Variants in PI4K2B observed in about 807,000 individuals in gnomAD.
PI4K2B encodes phosphatidylinositol 4-kinase type 2 beta, also known as phosphatidylinositol 4-kinase type 2-beta.
A neutral mutation model predicts 56.6 loss-of-function variants in PI4K2B; 46 were observed. The observed-to-expected ratio is 0.81, with a 90% CI of 0.64 to 1.04. The LOEUF is 1.04. Ranked by LOEUF, PI4K2B falls within the 50% of genes least tolerant of loss-of-function variation. PI4K2B has a pLI of 0.00. For missense variants in PI4K2B, 556 were observed against 607.7 expected (o/e 0.91, Z 0.89); for synonymous variants, 211 against 223.8 (o/e 0.94, Z 0.51).
intron 9 of PI4K2B, among the ~76,000 whole-genome samples, chr4:25,269,814 T>C (rs1262441916): frequency 6.6e-6 from 1 of 150,938 alleles, no homozygotes; most frequent in Non-Finnish European, 1.5e-5. Context: ...CCCAGGTTCA[T>C]GCCATTCTCC....
intron 8 of PI4K2B, 107 bp downstream of exon 8, chr4:25,268,683 C>A: frequency 1.4e-6 from 1 of 705,032 alleles, no homozygotes. Flanking sequence ...TTGCTGCTTG[C>A]CATAAAACCT....
chr4:25,261,940 A>G (rs987533586), intron 6 of PI4K2B, among the ~76,000 whole-genome samples: 2 of 152,176 alleles, frequency 1.3e-5, no homozygotes, highest in African/African-American at 4.8e-5. Context: ...AATAGTAGAA[A>G]TAATAATAAA....
intron 1 of PI4K2B, among the ~76,000 whole-genome samples, chr4:25,236,560 A>G (rs556956539): frequency 4.6e-5 from 7 of 152,324 alleles, no homozygotes; most frequent in Admixed American, 2.0e-4. Context: ...CTCAAAAAAA[A>G]AATTAATTAT....
At chr4:25,269,114 T>G in intron 8 of PI4K2B, 30 bp from the exon 9 acceptor site, 1 of 1,294,698 alleles carries the variant, frequency 7.7e-7, no homozygotes, top group Non-Finnish European at 1.1e-6. Flanking sequence ...GTCTTTATTT[T>G]GGGAATTGTT....
At chr4:25,248,792 C>A (rs1222843033) in intron 1 of PI4K2B, among the ~76,000 whole-genome samples, 1 of 150,396 alleles carries the variant, frequency 6.6e-6, no homozygotes, top group Non-Finnish European at 1.5e-5. Flanking sequence ...TTAGGAAAAT[C>A]TTTTATTTTT....
At chr4:25,242,082 T>C (rs1382865995) in intron 1 of PI4K2B, among the ~76,000 whole-genome samples, 2 of 152,232 alleles carry the variant, frequency 1.3e-5, no homozygotes, top group Non-Finnish European at 2.9e-5. Context: ...GATAAGCCAG[T>C]ATAGGCTGTA....
intron 1 of PI4K2B, among the ~76,000 whole-genome samples, chr4:25,248,315 T>C (rs1206645204): frequency 1.3e-5 from 2 of 152,182 alleles, no homozygotes; most frequent in African/African-American, 4.8e-5. Flanking sequence ...AGCAAGTGTT[T>C]ATTAAGTGCT....
At position 25,234,179 on chromosome 4, in the gene PI4K2B, G is replaced by C. The variant is rs10021593; in HGVS notation, c.16G>C (p.Glu6Gln). 5.6e-5 allele frequency: 78 copies of C among 1,399,048 alleles called. No individual in the cohort carries two copies. Among genetic ancestry groups the C allele is most frequent in the Non-Finnish European group, 7.2e-5 (77 of 1,075,830 alleles). The allele number at this position is 1,399,048 out of a possible 1,614,324, so 86.7% of individuals were successfully genotyped here. The change falls in exon 1 of 10, where the codon GAG becomes CAG. Residue 6 changes from glutamate (E) to glutamine (Q), a missense_variant. Glu to Gln is a conservative substitution (Grantham distance 29). Coordinates refer to ENST00000264864, the MANE Select transcript of PI4K2B (RefSeq NM_018323.4). Reference sequence around the variant, plus strand: ...GAGGGAGTCCATGGAGGATCCCTCCGAGCCCGACCGGTTGGCGTCCGCGGA... The same window carrying C: ...GAGGGAGTCCATGGAGGATCCCTCCCAGCCCGACCGGTTGGCGTCCGCGGA... MEDPS[E>Q]PDRLASADGG... is the part of the protein sequence containing the mutation.
chr4:25,242,389 G>A lies in PI4K2B; in HGVS notation c.268+7958G>A, dbSNP rs540621183. 7.9e-5 allele frequency among the ~76,000 whole-genome samples: 12 copies of A among 152,374 alleles called. No individual in the cohort carries two copies. The South Asian group carries it at 1.0e-3, about 13-fold the overall frequency. On this transcript the variant is annotated intron_variant, in intron 1 of 9. Transcript: ENST00000264864. ...AAACCCCTGGGGCAAGACCTTCCACGTAAGTTGGGACTTGTGGTCTGTGGG... is the reference window on the plus strand; with the variant it reads ...AAACCCCTGGGGCAAGACCTTCCACATAAGTTGGGACTTGTGGTCTGTGGG...
At chr4:25,259,711 A>G (rs1444885563) in intron 5 of PI4K2B, among the ~76,000 whole-genome samples, 2 of 151,838 alleles carry the variant, frequency 1.3e-5, no homozygotes, top group Non-Finnish European at 2.9e-5. Context: ...TAAAAAAAAA[A>G]AGTATAAAAA....
In PI4K2B at chr4:25,252,374, G is replaced by A. The variant is rs1205183766; in HGVS notation, c.322G>A (p.Asp108Asn). ...NAFLDDPEFA[D>N]IMLRAEQAIE... The stretch of plus-strand genomic sequence containing the variant: ...ATTCTTGGATGACCCAGAATTTGCC[G>A]ATATTATGCTGAGAGCAGAGCAAGC... The change falls in exon 2 of 10, where the codon GAT becomes AAT. Residue 108 changes from aspartate (D) to asparagine (N), a missense_variant. Physicochemically the swap from Asp to Asn is conservative, Grantham distance 23. Coordinates refer to ENST00000264864, the MANE Select transcript of PI4K2B (RefSeq NM_018323.4). The A allele has an allele frequency of 1.2e-6, 2 of 1,607,324 alleles. No homozygotes were observed. The highest frequency in any genetic ancestry group is 4.5e-5 in the East Asian group (2 of 44,830).
rs553128413 is a variant in PI4K2B at position 25,279,017 on chromosome 4, G to GTT, written c.*1837_*1838dup. ...ACTGAATTCTTATTTAAATAGTATG[G>GTT]TTTTTTTTCAATAAGTATATTTATA... On this transcript the variant is annotated 3_prime_UTR_variant, in exon 10 of 10. Transcript: ENST00000264864. 1 of 151,288 alleles carries GTT rather than the reference G, an allele frequency of 6.6e-6. No individual in the cohort carries two copies. The highest frequency in any genetic ancestry group is 1.5e-5 in the Non-Finnish European group (1 of 67,854). 9.4% of individuals were successfully genotyped at this position (151,288 alleles called of 1,614,324 possible). A position where few individuals can be genotyped will look rare whatever the true frequency, so the allele number is the denominator to read the frequency against.
intron 9 of PI4K2B, among the ~76,000 whole-genome samples, chr4:25,273,410 C>T (rs1220396373): frequency 6.6e-6 from 1 of 152,184 alleles, no homozygotes; most frequent in African/African-American, 2.4e-5. Context: ...AACTCATTTA[C>T]AGATTCAATA....
At chr4:25,245,417 G>A (rs1715718655) in intron 1 of PI4K2B, among the ~76,000 whole-genome samples, 1 of 152,144 alleles carries the variant, frequency 6.6e-6, no homozygotes, top group South Asian at 2.1e-4. Flanking sequence ...GACATGCCTT[G>A]GAGAGTTCCG....
intron 3 of PI4K2B, among the ~76,000 whole-genome samples, chr4:25,255,749 C>T (rs1022605387): frequency 4.0e-5 from 6 of 151,796 alleles, no homozygotes; most frequent in African/African-American, 1.5e-4. Context: ...AGGCACATAC[C>T]ATCATGTGCC....
intron 4 of PI4K2B, among the ~76,000 whole-genome samples, chr4:25,257,045 C>CT (rs1716286906): frequency 6.7e-6 from 1 of 149,396 alleles, no homozygotes; most frequent in Admixed American, 6.6e-5. Context: ...CGGGTAAGTT[C>CT]TTTACTTGCT....
At chr4:25,244,390 G>T (rs1245775320) in intron 1 of PI4K2B, among the ~76,000 whole-genome samples, 2 of 152,176 alleles carry the variant, frequency 1.3e-5, no homozygotes, top group Non-Finnish European at 2.9e-5. Context: ...TGTAAGCTTT[G>T]CATAGTTGTG....
At chr4:25,249,117 G>T (rs146366722) in intron 1 of PI4K2B, among the ~76,000 whole-genome samples, 2 of 152,100 alleles carry the variant, frequency 1.3e-5, no homozygotes, top group Non-Finnish European at 2.9e-5. Flanking sequence ...TTCAGAGAGC[G>T]CCGGGTTGGG....
At chr4:25,267,674 A>G (rs534823296) in intron 7 of PI4K2B, 9 of 537,860 alleles carry the variant, frequency 1.7e-5, no homozygotes, top group Non-Finnish European at 2.1e-5. Context: ...ACACTCTTGC[A>G]GGAATCTGAA....
Sources: allele counts gnomAD v4.1 joint callset (sites outside exome capture counted in the v4.1 genomes callset), GRCh38; gene constraint gnomAD v4.1.1; transcripts MANE v1.5; gene names NCBI Gene and HGNC (gene_info 2026-07-23, HGNC 2026-07-21).